OSMR: variants seen among roughly 807,000 people sequenced by gnomAD.
The protein encoded by OSMR is oncostatin M receptor.
OSMR carries 81 observed loss-of-function variants against 99.9 expected under a neutral mutation model. The observed-to-expected ratio is 0.81, with a 90% confidence interval of 0.68 to 0.97. The LOEUF (loss-of-function observed/expected upper bound fraction) is 0.97. Ranked by LOEUF, OSMR falls within the 50% of genes least tolerant of loss-of-function variation. OSMR has a pLI of 0.00. For missense variants in OSMR, 1,099 were observed against 1,153.4 expected, an observed-to-expected ratio of 0.95 and a Z score of 0.68; for synonymous variants, 406 against 410.4, an observed-to-expected ratio of 0.99 and a Z score of 0.13.
Position 38,933,130 on chromosome 5 carries a change from G to A in OSMR, c.2626G>A (p.Val876Ile), listed in dbSNP as rs758972005. 10 of 1,614,042 alleles carry A rather than the reference G, an allele frequency of 6.2e-6. No individual in the cohort carries two copies. In the Admixed American group the frequency reaches 8.3e-5, roughly 13 times the overall value. ...SDSGSCGHVPVSPKAPSMLGL... is the reference protein window; with the variant it reads ...SDSGSCGHVPISPKAPSMLGL... ...CTCTGGCTCTTGTGGCCATGTTCCAGTATCCCCAAAAGCCCCAAGTATGCT... is the reference window on the plus strand; with the variant it reads ...CTCTGGCTCTTGTGGCCATGTTCCAATATCCCCAAAAGCCCCAAGTATGCT... The change falls in exon 18 of 18, where the codon GTA becomes ATA. Residue 876 changes from valine (V) to isoleucine (I), a missense_variant. Coordinates refer to ENST00000274276, the MANE Select transcript of OSMR (RefSeq NM_003999.3).
chr5:38,847,362 T>C (rs1330294475), intron 1 of OSMR, among the ~76,000 whole-genome samples: 1 of 152,158 alleles, frequency 6.6e-6, no homozygotes, highest in Non-Finnish European at 1.5e-5. Context: ...ACTAGTTTTT[T>C]ATTATATTTT....
At chr5:38,913,227 C>G (rs748155196) in intron 9 of OSMR, among the ~76,000 whole-genome samples, 16 of 152,016 alleles carry the variant, frequency 1.1e-4, no homozygotes, top group Non-Finnish European at 1.5e-4. Flanking sequence ...AACAATTCAA[C>G]AAGCAGAAAG....
intron 9 of OSMR, among the ~76,000 whole-genome samples, chr5:38,912,244 C>T (rs893635255): frequency 8.5e-5 from 13 of 152,112 alleles, no homozygotes; most frequent in South Asian, 2.1e-4. Context: ...GATACAAGAT[C>T]GATGTACAAA....
At chr5:38,861,692 C>T (rs184373356) in intron 1 of OSMR, among the ~76,000 whole-genome samples, 9,614 of 151,364 alleles carry the variant, frequency 0.064, 759 homozygotes, top group East Asian at 0.44. Context: ...CCAGTAGGGG[C>T]GGCCGGGAGA....
chr5:38,941,320 T>C (rs3180328), intron 1 of OSMR: 2 of 207,742 alleles, frequency 9.6e-6, no homozygotes, highest in Non-Finnish European at 1.9e-5. Flanking sequence ...ACAAGCTTTA[T>C]TAATGTTTTT....
downstream of OSMR, chr5:38,938,137 TTTTC>T (rs1163160349): frequency 2.5e-4 from 54 of 213,764 alleles, 1 homozygote; most frequent in African/African-American, 5.0e-4. Context: ...TATAAATACT[TTTTC>T]TTTCTATGTT....
downstream of OSMR, chr5:38,939,342 T>C (rs529087884): frequency 4.3e-6 from 1 of 232,406 alleles, no homozygotes; most frequent in South Asian, 1.8e-4. Context: ...TTGTACACAT[T>C]ATGTTAATAA....
At chr5:38,855,718 C>T (rs946868960) in intron 1 of OSMR, among the ~76,000 whole-genome samples, 2 of 149,106 alleles carry the variant, frequency 1.3e-5, no homozygotes, top group Non-Finnish European at 3.0e-5. Context: ...CACCGCCACA[C>T]CCCCCCACCT....
chr5:38,849,628 C>A (rs1740197796), intron 1 of OSMR, among the ~76,000 whole-genome samples: 2 of 152,004 alleles, frequency 1.3e-5, no homozygotes, highest in Admixed American at 1.3e-4. Flanking sequence ...TAATAAAATC[C>A]TATTTTTAAT....
intron 12 of OSMR, among the ~76,000 whole-genome samples, chr5:38,922,580 T>G (rs926301180): frequency 1.3e-5 from 2 of 152,126 alleles, no homozygotes; most frequent in Non-Finnish European, 2.9e-5. Flanking sequence ...GATACAGGCA[T>G]AGTTGAGAAC....
chr5:38,903,990 A>G lies in OSMR; in HGVS notation c.1100A>G (p.Gln367Arg). The G allele has an allele frequency of 6.2e-7, 1 of 1,614,122 alleles. No individual in the cohort carries two copies. The highest frequency in any genetic ancestry group is 8.5e-7 in the Non-Finnish European group (1 of 1,179,984). Residue 367 changes from glutamine (Q) to arginine (R), a missense_variant, in exon 8 of 18, where the codon CAG becomes CGG. Gln to Arg is a conservative substitution (Grantham distance 43, BLOSUM62 1). Transcript: ENST00000274276. ...SIRNNFTYLC[Q>R]IELHGEGKMM... ...AGGAATAATTTCACATATTTGTGTC[A>G]GATTGAACTCCATGGTGAAGGAAAA...
At chr5:38,883,243 A>AT (rs950513330) in intron 4 of OSMR, among the ~76,000 whole-genome samples, 2 of 152,216 alleles carry the variant, frequency 1.3e-5, no homozygotes, top group South Asian at 2.1e-4. Flanking sequence ...TGAAGGTTGG[A>AT]TTTTTTAAAA....
chr5:38,848,938 T>C (rs1579605872), intron 1 of OSMR, among the ~76,000 whole-genome samples: 1 of 82,118 alleles, frequency 1.2e-5, no homozygotes, highest in African/African-American at 3.9e-5. Flanking sequence ...CACACCTGAC[T>C]TTTTTTTTTT....
intron 3 of OSMR, among the ~76,000 whole-genome samples, chr5:38,879,514 A>G (rs1177572939): frequency 6.6e-6 from 1 of 152,070 alleles, no homozygotes; most frequent in African/African-American, 2.4e-5. Context: ...TAAGGGACAG[A>G]AGGGAGGTAA....
intron 9 of OSMR, 48 bp downstream of exon 9, chr5:38,904,551 T>A: frequency 6.2e-7 from 1 of 1,611,766 alleles, no homozygotes; most frequent in African/African-American, 1.3e-5. Flanking sequence ...GTCTTAGGAG[T>A]TAGACTGGTT....
intron 10 of OSMR, among the ~76,000 whole-genome samples, 199 bp downstream of exon 10, chr5:38,917,821 T>G (rs1746001158): frequency 6.6e-6 from 1 of 152,180 alleles, no homozygotes; most frequent in African/African-American, 2.4e-5. Context: ...GACAGCCAGT[T>G]CTGATTGGTA....
intron 7 of OSMR, among the ~76,000 whole-genome samples, chr5:38,900,469 C>A (rs182546117): frequency 1.3e-5 from 2 of 152,186 alleles, no homozygotes; most frequent in East Asian, 3.9e-4. Flanking sequence ...GTGGGACAAT[C>A]GATGGAGCCT....
chr5:38,867,393 A>G (rs1007067206), intron 1 of OSMR, among the ~76,000 whole-genome samples: 1 of 152,240 alleles, frequency 6.6e-6, no homozygotes, highest in Non-Finnish European at 1.5e-5. Context: ...ATAGGCAGTA[A>G]CAATTGATTA....
intron 1 of OSMR, among the ~76,000 whole-genome samples, chr5:38,849,083 C>A (rs928099268): frequency 6.6e-6 from 1 of 152,130 alleles, no homozygotes; most frequent in Non-Finnish European, 1.5e-5. Context: ...CGGCCAGCTA[C>A]ATGTTATCCT....
Sources: allele counts gnomAD v4.1 joint callset (sites outside exome capture counted in the v4.1 genomes callset), GRCh38; gene constraint gnomAD v4.1.1; transcripts MANE v1.5; gene names NCBI Gene and HGNC (gene_info 2026-07-23, HGNC 2026-07-21).